Variants in XPA observed in about 807,000 individuals in gnomAD.
The protein encoded by XPA is XPA, DNA damage recognition and repair factor, also known as DNA repair protein complementing XP-A cells.
XPA carries 27 observed loss-of-function variants against 35.7 expected under a neutral mutation model. The observed-to-expected ratio is 0.76, with a 90% CI of 0.56 to 1.04. The LOEUF (loss-of-function observed/expected upper bound fraction) is 1.04. Ranked by LOEUF, XPA falls within the 50% of genes least tolerant of loss-of-function variation. The pLI is 0.00. For missense variants in XPA, 354 were observed against 342.7 expected (o/e 1.03, Z -0.26); for synonymous variants, 133 against 118.4 (o/e 1.12, Z -0.80).
At chr9:97,668,920 A>G in the XPA span, 3 of 1,613,784 alleles carry the variant, frequency 1.9e-6, no homozygotes, top group Non-Finnish European at 1.7e-6. Flanking sequence ...GACTTCAGGA[A>G]AAAGTGGAAT....
At position 97,686,636 on chromosome 9, in the gene XPA, G is replaced by A. The variant is rs115463287; in HGVS notation, c.555+460C>T. Among the ~76,000 whole-genome samples, 387 of 152,160 alleles carry A rather than the reference G, an allele frequency of 2.5e-3. 2 individuals are homozygous for A. Among genetic ancestry groups the A allele is most frequent in the African/African-American group, 8.9e-3 (370 of 41,520 alleles). ...TTTCTTTCAAAGTGCCATATTAGAA[G>A]CAAAATGAGGCCAGGCGTGGCGGCT... On this transcript the variant is annotated intron_variant, in intron 4 of 5. Transcript: ENST00000375128.
At chr9:97,683,759 A>C (rs1054498946) in intron 5 of XPA, among the ~76,000 whole-genome samples, 79 of 152,302 alleles carry the variant, frequency 5.2e-4, no homozygotes, top group African/African-American at 1.8e-3. Flanking sequence ...AATCCTCACA[A>C]TGAGAAGGAT....
chr9:97,670,691 G>C (rs1349451523), downstream of XPA, among the ~76,000 whole-genome samples: 1 of 152,158 alleles, frequency 6.6e-6, no homozygotes. Context: ...TTCGTTTTCT[G>C]ACTGTTTATC....
chr9:97,686,551 CCCATT>C (rs1188311754), intron 4 of XPA, among the ~76,000 whole-genome samples: 4 of 152,098 alleles, frequency 2.6e-5, no homozygotes, highest in Non-Finnish European at 5.9e-5. Flanking sequence ...GGGCCTGACT[CCCATT>C]CCAACCTTTT....
In XPA at chr9:97,697,222, A is replaced by T. The variant is rs199616261; in HGVS notation, c.71T>A (p.Val24Glu). Reference protein sequence around the residue: ...LEQPAELPASVRASIERKRQR... With the variant: ...LEQPAELPASERASIERKRQR... ...CCGCTTCCGCTCGATACTCGCCCGC[A>T]CCGAGGCAGGCAGCTCCGCGGGTTG... The change falls in exon 1 of 6, where the codon GTG (valine) becomes GAG (glutamate). Residue 24 changes from valine (V) to glutamate (E), a missense_variant. By Grantham distance (121) the Val-to-Glu change is moderately radical. Transcript: ENST00000375128. The T allele has an allele frequency of 1.9e-6, 3 of 1,601,420 alleles. No homozygotes were observed. Among genetic ancestry groups the T allele is most frequent in the Non-Finnish European group, 2.5e-6 (3 of 1,179,018 alleles).
chr9:97,661,181 C>A, the XPA span: 1 of 1,284,910 alleles, frequency 7.8e-7, no homozygotes, highest in Non-Finnish European at 1.1e-6. Flanking sequence ...TCTGTTTGAC[C>A]TGTTCAGACT....
intron 5 of XPA, among the ~76,000 whole-genome samples, chr9:97,683,014 G>C (rs1367083538): frequency 1.3e-5 from 2 of 152,126 alleles, no homozygotes; most frequent in African/African-American, 4.8e-5. Context: ...TAGTATCTAA[G>C]AAAGTACAGA....
At chr9:97,669,265 G>C in the XPA span, among the ~76,000 whole-genome samples, 2 of 151,816 alleles carry the variant, frequency 1.3e-5, no homozygotes, top group African/African-American at 4.8e-5. Flanking sequence ...CCTCATTGCT[G>C]ATCATTTTCC....
chr9:97,681,222 G>T (rs977033495), intron 5 of XPA, among the ~76,000 whole-genome samples: 9 of 152,112 alleles, frequency 5.9e-5, no homozygotes, highest in African/African-American at 1.9e-4. Context: ...ACAACTAGCT[G>T]CGAGAGACAA....
chr9:97,689,265 C>CA (rs1030317346), intron 3 of XPA, among the ~76,000 whole-genome samples: 22 of 150,546 alleles, frequency 1.5e-4, no homozygotes, highest in Admixed American at 6.6e-4. Context: ...AAAACAAAAA[C>CA]AAAAAAAAAC....
downstream of XPA, among the ~76,000 whole-genome samples, chr9:97,674,344 C>A (rs1040622825): frequency 6.6e-6 from 1 of 152,086 alleles, no homozygotes; most frequent in Non-Finnish European, 1.5e-5. Context: ...GAAAAATACA[C>A]AAACATTTCT....
chr9:97,665,819 A>G, the XPA span, among the ~76,000 whole-genome samples: 1 of 149,556 alleles, frequency 6.7e-6, no homozygotes. Context: ...AAATTTAACT[A>G]GTAGCCTACT....
At chr9:97,663,191 A>G in the XPA span, 5 of 639,136 alleles carry the variant, frequency 7.8e-6, no homozygotes, top group Non-Finnish European at 1.4e-5. Flanking sequence ...TTTCAGTGCT[A>G]TGGGAGTAAT....
At chr9:97,658,957 A>AT in the XPA span, among the ~76,000 whole-genome samples, 4 of 152,106 alleles carry the variant, frequency 2.6e-5, no homozygotes, top group Non-Finnish European at 4.4e-5. Flanking sequence ...CTGGCTTATC[A>AT]TTTTTTCTCT....
chr9:97,686,251 T>C (rs1828712848), intron 4 of XPA, among the ~76,000 whole-genome samples: 1 of 152,208 alleles, frequency 6.6e-6, no homozygotes, highest in Non-Finnish European at 1.5e-5. Flanking sequence ...TTACAATATT[T>C]GTACCACTCT....
chr9:97,662,802 A>G, the XPA span: 1 of 587,270 alleles, frequency 1.7e-6, no homozygotes, highest in East Asian at 3.0e-5. Flanking sequence ...TCAATCTGTG[A>G]TCACACTTTT....
At position 97,697,246 on chromosome 9, in the gene XPA, T is replaced by C. The variant is rs756527969; in HGVS notation, c.47A>G (p.Gln16Arg). ...CACCGAGGCAGGCAGCTCCGCGGGT[T>C]GCTCTAAAGCCGCCGCCTCCGGCAA... Reference protein sequence around the residue: ...GALPEAAALEQPAELPASVRA... With the variant: ...GALPEAAALERPAELPASVRA... Residue 16 changes from glutamine to arginine, a missense_variant, in exon 1 of 6, where the codon CAA (glutamine) becomes CGA (arginine). Transcript: ENST00000375128. 1.1e-4 allele frequency: 170 copies of C among 1,600,280 alleles called. No homozygotes were observed. The highest frequency in any genetic ancestry group is 1.3e-4 in the Non-Finnish European group (158 of 1,179,200).
the XPA span, among the ~76,000 whole-genome samples, chr9:97,667,887 A>T: frequency 7.2e-5 from 11 of 152,332 alleles, 1 homozygote; most frequent in Non-Finnish European, 1.5e-4. Context: ...TCTATTAGGT[A>T]GTAGTGCTCT....
At chr9:97,691,362 A>G (rs1326270793) in intron 2 of XPA, among the ~76,000 whole-genome samples, 1 of 152,206 alleles carries the variant, frequency 6.6e-6, no homozygotes, top group African/African-American at 2.4e-5. Context: ...ATGCCTAGCT[A>G]AGGAACTTAA....
Sources: gnomAD v4.1 joint callset for allele counts (sites outside exome capture counted in the v4.1 genomes callset) on GRCh38, gnomAD v4.1.1 for gene constraint, MANE v1.5 for transcripts, NCBI Gene and HGNC (gene_info 2026-07-23, HGNC 2026-07-21) for gene names.